The following TXNDC5 variants were observed in gnomAD, a reference collection of about 807,000 sequenced individuals.
The protein encoded by TXNDC5 is thioredoxin domain-containing protein 5.
TXNDC5 carries 44 observed loss-of-function variants against 52.6 expected under a neutral mutation model. The ratio of observed to expected loss-of-function variants is 0.84; its 90% CI spans 0.66 to 1.08. TXNDC5 has a LOEUF of 1.08. Among genes scored for constraint, TXNDC5 ranks in the 50% least tolerant of loss-of-function variants. TXNDC5 has a pLI of 0.00. For missense variants in TXNDC5, 600 were observed against 565.5 expected, an observed-to-expected ratio of 1.06 and a Z score of -0.62; for synonymous variants, 241 against 234.4, an observed-to-expected ratio of 1.03 and a Z score of -0.26.
chr6:7,895,192 G>C lies in TXNDC5; in HGVS notation c.530C>G (p.Pro177Arg). 8 of 1,612,836 alleles carry C rather than the reference G, an allele frequency of 5.0e-6. No homozygotes were observed. The highest frequency in any genetic ancestry group is 6.8e-6 in the Non-Finnish European group (8 of 1,179,492). The change falls in exon 4 of 10, where the codon CCG becomes CGG. Residue 177 changes from proline to arginine, a missense_variant. Physicochemically the swap from Pro to Arg is moderately radical, Grantham distance 103. Transcript: ENST00000379757. ...GGGGGCACTGGGCGGTTCCACTTCC[G>C]GCTCTGGTGTCTAACAGGAGGAAAT... is the stretch of plus-strand genomic sequence containing the variant. Reference protein sequence around the residue: ...TLNEEPVTPEPEVEPPSAPEL... With the variant: ...TLNEEPVTPEREVEPPSAPEL...
At chr6:7,895,590 C>T (rs142492180) in intron 3 of TXNDC5, among the ~76,000 whole-genome samples, 47 of 152,348 alleles carry the variant, frequency 3.1e-4, no homozygotes, top group South Asian at 1.4e-3. Context: ...CAAAATACAA[C>T]GCCCAATGGA....
chr6:7,899,571 C>G lies in TXNDC5; in HGVS notation c.519+5G>C, dbSNP rs1268273240. 1.0e-5 allele frequency: 16 copies of G among 1,595,552 alleles called. No individual in the cohort carries two copies. Among genetic ancestry groups the G allele is most frequent in the Non-Finnish European group, 1.4e-5 (16 of 1,169,428 alleles). ...AGGGAGGGAGGGAAGGAGGTAGACA[C>G]TCACCACTGGCTCCTCGTTCAGTGT... On this transcript the variant is annotated splice_donor_5th_base_variant and intron_variant, in intron 3 of 9. Coordinates refer to ENST00000379757, the MANE Select transcript of TXNDC5 (RefSeq NM_030810.5).
At chr6:7,884,105 G>T (rs901944638) in intron 9 of TXNDC5, among the ~76,000 whole-genome samples, 1 of 152,174 alleles carries the variant, frequency 6.6e-6, no homozygotes, top group Non-Finnish European at 1.5e-5. Flanking sequence ...GTTACTTCAC[G>T]GCCTTGTTAC....
rs70982116 is a variant in TXNDC5, at chr6:7,899,532, A to AGAGG, written c.519+40_519+43dup. 9.1e-4 allele frequency: 1,073 copies of AGAGG among 1,174,924 alleles called. 4 individuals carry two copies. Among genetic ancestry groups the AGAGG allele is most frequent in the African/African-American group, 4.4e-3 (238 of 53,570 alleles). The allele number at this position is 1,174,924 out of a possible 1,614,324, so 72.8% of individuals were successfully genotyped here. ...TTACCCCAAAGATGTAGGCAGGGAGAGAGGGAGGGAGGGAGGGAGGGAGGG... is the reference window on the plus strand; with the variant it reads ...TTACCCCAAAGATGTAGGCAGGGAGAGAGGGAGGGAGGGAGGGAGGGAGGGAGGG... On this transcript the variant is annotated intron_variant, in intron 3 of 9. Coordinates refer to ENST00000379757, the MANE Select transcript of TXNDC5 (RefSeq NM_030810.5).
chr6:7,892,361 G>C (rs1387965374), intron 4 of TXNDC5, among the ~76,000 whole-genome samples: 4 of 152,202 alleles, frequency 2.6e-5, no homozygotes, highest in Non-Finnish European at 5.9e-5. Flanking sequence ...GGACCACGGG[G>C]AGCTCTACAG....
Position 7,909,475 on chromosome 6 carries a change from G to A in TXNDC5, c.263+1039C>T, listed in dbSNP as rs141161436. ...CAGGAAGCTCTTCCGTGGGATGAGT[G>A]CCAGGGTAGGGTCTCTCAGGTCAGC... On this transcript the variant is annotated intron_variant, in intron 1 of 9. Transcript: ENST00000379757. Among the ~76,000 whole-genome samples, 4 of 152,346 alleles carry A rather than the reference G, an allele frequency of 2.6e-5. No individual in the cohort carries two copies. The East Asian group carries it at 7.7e-4, about 29-fold the overall frequency.
In TXNDC5 at chr6:7,889,030, TGA is replaced by T. The variant is rs2113329480; in HGVS notation, c.820-184_820-183del. ...GGATAACTGAATGCCTCGGCTTTGGTGAGAGAACTGTACAGGCCCCTCTTCCC... is the reference window on the plus strand; with the variant it reads ...GGATAACTGAATGCCTCGGCTTTGGTGAGAACTGTACAGGCCCCTCTTCCC... On this transcript the variant is annotated intron_variant, in intron 6 of 9. Transcript: ENST00000379757. The T allele has an allele frequency of 6.8e-6, 5 of 730,410 alleles. No individual in the cohort carries two copies. In the South Asian group the frequency reaches 8.7e-5, roughly 13 times the overall value. The allele number at this position is 730,410 out of a possible 1,614,324, so 45.2% of individuals were successfully genotyped here. A position where few individuals can be genotyped will look rare whatever the true frequency, so the allele number is the denominator to read the frequency against.
Position 7,882,938 on chromosome 6 carries a change from ACACATTTACTTAGAGAAAC to A in TXNDC5, c.*187_*205del, listed in dbSNP as rs1368271441. 10 of 589,970 alleles carry A rather than the reference ACACATTTACTTAGAGAAAC, an allele frequency of 1.7e-5. No homozygotes were observed. The highest frequency in any genetic ancestry group is 2.9e-5 in the Non-Finnish European group (10 of 350,576). The allele number at this position is 589,970 out of a possible 1,614,324, so 36.5% of individuals were successfully genotyped here. On this transcript the variant is annotated 3_prime_UTR_variant, in exon 10 of 10. Transcript: ENST00000379757. ...AATGTTTACACAGTGACCATGAGTT[ACACATTTACTTAGAGAAAC>A]TTAACTTAATAAAGAATCTGTAGAG...
chr6:7,910,371 G>C, intron 1 of TXNDC5, 143 bp downstream of exon 1: 1 of 1,017,910 alleles, frequency 9.8e-7, no homozygotes, highest in Non-Finnish European at 1.2e-6. Context: ...TGAGCCCCGA[G>C]CCCCGCGCCC....
rs1261641884 is a variant in TXNDC5 at position 7,881,903 on chromosome 6, G to A, written c.*1241C>T. The A allele has an allele frequency of 1.4e-5, 2 of 145,528 alleles. No homozygotes were observed. The highest frequency in any genetic ancestry group is 1.9e-4 in the East Asian group (1 of 5,144). 9.0% of individuals were successfully genotyped at this position (145,528 alleles called of 1,614,324 possible). A position where few individuals can be genotyped will look rare whatever the true frequency, so the allele number is the denominator to read the frequency against. ...TGGTTATTATGGGAAGTAGCTCGAT[G>A]GTAAAAGGACAAACACCTATCTATC... is the stretch of plus-strand genomic sequence containing the variant. On this transcript the variant is annotated 3_prime_UTR_variant, in exon 10 of 10. Coordinates refer to ENST00000379757, the MANE Select transcript of TXNDC5 (RefSeq NM_030810.5).
intron 1 of TXNDC5, 21 bp downstream of exon 1, chr6:7,910,493 C>T (rs1398150505): frequency 2.8e-6 from 4 of 1,423,116 alleles, no homozygotes; most frequent in Non-Finnish European, 2.8e-6. Flanking sequence ...CGGGGCAGGG[C>T]GCCGGCCTGC....
chr6:7,885,870 A>T, intron 8 of TXNDC5, 91 bp downstream of exon 8: 1 of 1,161,278 alleles, frequency 8.6e-7, no homozygotes, highest in Non-Finnish European at 1.3e-6. Flanking sequence ...TGTGCCCAAC[A>T]TTGAGTCTGG....
chr6:7,891,945 T>C (rs758117996), intron 4 of TXNDC5, among the ~76,000 whole-genome samples: 12 of 152,240 alleles, frequency 7.9e-5, no homozygotes, highest in Non-Finnish European at 8.8e-5. Context: ...TTTGTCATCT[T>C]TGATGGACAA....
At chr6:7,900,744 T>C (rs1160426749) in intron 2 of TXNDC5, among the ~76,000 whole-genome samples, 1 of 152,144 alleles carries the variant, frequency 6.6e-6, no homozygotes, top group African/African-American at 2.4e-5. Context: ...GGTGAGGGCT[T>C]TCTGGTTCAC....
intron 7 of TXNDC5, among the ~76,000 whole-genome samples, chr6:7,887,104 G>A (rs75933408): frequency 0.17 from 26,272 of 151,820 alleles, 2,438 homozygotes; most frequent in African/African-American, 0.26. Flanking sequence ...CAACCAAAAC[G>A]TCAACTTTTA....
chr6:7,910,312 G>A (rs2567231), intron 1 of TXNDC5, among the ~76,000 whole-genome samples: 41,962 of 149,306 alleles, frequency 0.28, 6,822 homozygotes, highest in East Asian at 0.66. Flanking sequence ...GAACCCGCAG[G>A]GTCCCCGCGC....
At position 7,890,900 on chromosome 6, in the gene TXNDC5, A is replaced by C. The variant is rs531749958; in HGVS notation, c.732+721T>G. Among the ~76,000 whole-genome samples, 17 of 152,266 alleles carry C rather than the reference A, an allele frequency of 1.1e-4. No individual in the cohort carries two copies. The South Asian group carries it at 3.5e-3, about 32-fold the overall frequency. On this transcript the variant is annotated intron_variant, in intron 5 of 9. Coordinates refer to ENST00000379757, the MANE Select transcript of TXNDC5 (RefSeq NM_030810.5). ...CCAGGTCTACCCAACCCCCAAGTTT[A>C]TGCTTTTGACCATCTCACCATCCCA... is the stretch of plus-strand genomic sequence containing the variant.
chr6:7,908,032 C>A (rs1050496295), intron 1 of TXNDC5, among the ~76,000 whole-genome samples: 1 of 152,120 alleles, frequency 6.6e-6, no homozygotes, highest in African/African-American at 2.4e-5. Context: ...CGCCTGTAAT[C>A]CCAGCACTTT....
chr6:7,909,702 G>A (rs1760849451), intron 1 of TXNDC5: 5 of 897,362 alleles, frequency 5.6e-6, no homozygotes, highest in Non-Finnish European at 6.7e-6. Context: ...GGGGGCGGAG[G>A]GGTTCCAGAA....
Sources: gnomAD v4.1 joint callset for allele counts (sites outside exome capture counted in the v4.1 genomes callset) on GRCh38, gnomAD v4.1.1 for gene constraint, MANE v1.5 for transcripts, NCBI Gene and HGNC (gene_info 2026-07-23, HGNC 2026-07-21) for gene names.